The following PRKCA variants were observed in gnomAD, a reference collection of about 807,000 sequenced individuals.
The protein encoded by PRKCA is protein kinase C alpha.
Under a neutral mutation model 87.0 loss-of-function variants are expected in PRKCA, and 27 were observed. That is an observed-to-expected ratio of 0.31 (90% confidence interval 0.23 to 0.43). PRKCA has a LOEUF of 0.43. Ranked by LOEUF, PRKCA falls within the 20% of genes least tolerant of loss-of-function variation. The pLI, the probability that PRKCA is intolerant of heterozygous loss-of-function variation, is 1.00. For synonymous variants in PRKCA, 329 were observed against 311.1 expected, an observed-to-expected ratio of 1.06 and a Z score of -0.61; for missense variants, 518 against 852.3, an observed-to-expected ratio of 0.61 and a Z score of 4.88.
intron 3 of PRKCA, among the ~76,000 whole-genome samples, chr17:66,500,950 T>G (rs1050872711): frequency 2.7e-5 from 4 of 150,830 alleles, no homozygotes; most frequent in Non-Finnish European, 5.9e-5. Flanking sequence ...TTTAAAAATT[T>G]TAAATTAGGA....
chr17:66,750,234 G>A (rs1321274054), intron 13 of PRKCA, among the ~76,000 whole-genome samples: 2 of 151,960 alleles, frequency 1.3e-5, no homozygotes, highest in Non-Finnish European at 2.9e-5. Context: ...AGCCCAGCAT[G>A]GGCAGGAGCA....
At chr17:66,549,110 T>C (rs1023913718) in intron 3 of PRKCA, among the ~76,000 whole-genome samples, 28 of 151,804 alleles carry the variant, frequency 1.8e-4, no homozygotes, top group African/African-American at 6.5e-4. Flanking sequence ...CGGGCCACTT[T>C]CTGTAATTTT....
Position 66,774,024 on chromosome 17 carries a change from G to T in PRKCA, c.1562G>T (p.Trp521Leu). ...AYQPYGKSVD[W>L]WAYGVLLYEM... ...CAGCCGTATGGAAAATCTGTGGACT[G>T]GTGGGCCTATGGCGTCCTGTTGTAT... The change falls in exon 14 of 17, where the codon TGG becomes TTG. Residue 521 changes from tryptophan to leucine, a missense_variant. Trp to Leu is a moderately conservative substitution (Grantham distance 61). Coordinates refer to ENST00000413366, the MANE Select transcript of PRKCA (RefSeq NM_002737.3). 1 of 1,614,092 alleles carries T rather than the reference G, an allele frequency of 6.2e-7. No homozygotes were observed. The highest frequency in any genetic ancestry group is 8.5e-7 in the Non-Finnish European group (1 of 1,180,026).
intron 2 of PRKCA, among the ~76,000 whole-genome samples, chr17:66,382,948 C>T (rs934067361): frequency 7.9e-6 from 1 of 125,988 alleles, no homozygotes; most frequent in Non-Finnish European, 1.7e-5. Context: ...AATCCCACCC[C>T]TAATTGCGTT....
intron 3 of PRKCA, among the ~76,000 whole-genome samples, chr17:66,507,663 G>A (rs1034066674): frequency 6.6e-6 from 1 of 152,184 alleles, no homozygotes; most frequent in Non-Finnish European, 1.5e-5. Context: ...TCTGAAGAGG[G>A]TACAGAGTGG....
chr17:66,761,201 C>G lies in PRKCA; in HGVS notation c.1525-12786C>G, dbSNP rs556684338. Among the ~76,000 whole-genome samples the G allele has an allele frequency of 2.6e-5, 4 of 151,902 alleles. No individual in the cohort carries two copies. In the South Asian group the frequency reaches 8.3e-4, roughly 32 times the overall value. On this transcript the variant is annotated intron_variant, in intron 13 of 16. Coordinates refer to ENST00000413366, the MANE Select transcript of PRKCA (RefSeq NM_002737.3). ...CCTGGCCAACATGGTGAAACTCAGTCTCTACTAAAAATACAAAAATTAGCC... is the reference window on the plus strand; with the variant it reads ...CCTGGCCAACATGGTGAAACTCAGTGTCTACTAAAAATACAAAAATTAGCC...
intron 2 of PRKCA, among the ~76,000 whole-genome samples, chr17:66,459,106 C>T (rs377084250): frequency 1.6e-4 from 24 of 151,858 alleles, no homozygotes; most frequent in African/African-American, 5.3e-4. Flanking sequence ...AGCACACTGG[C>T]TTACGCCTGT....
chr17:66,757,190 G>A (rs4261586), intron 13 of PRKCA, among the ~76,000 whole-genome samples: 41,736 of 148,108 alleles, frequency 0.28, 6,173 homozygotes, highest in East Asian at 0.57. Flanking sequence ...GGATATGGCA[G>A]TAAAAACTTC....
intron 3 of PRKCA, among the ~76,000 whole-genome samples, chr17:66,596,282 G>A (rs113356204): frequency 6.6e-6 from 1 of 152,164 alleles, no homozygotes; most frequent in Non-Finnish European, 1.5e-5. Context: ...CCCAATAAAA[G>A]CAAGATAAGA....
At chr17:66,665,404 G>A (rs1402199563) in intron 5 of PRKCA, among the ~76,000 whole-genome samples, 1 of 152,124 alleles carries the variant, frequency 6.6e-6, no homozygotes, top group African/African-American at 2.4e-5. Flanking sequence ...ACCTGCATGA[G>A]TGTTCATTCA....
chr17:66,501,125 G>A (rs1916713581), intron 3 of PRKCA, among the ~76,000 whole-genome samples: 1 of 152,180 alleles, frequency 6.6e-6, no homozygotes, highest in Non-Finnish European at 1.5e-5. Context: ...CCATCTTCAA[G>A]ATGAAAGGAT....
At chr17:66,431,218 A>C (rs374422206) in intron 2 of PRKCA, among the ~76,000 whole-genome samples, 1 of 152,146 alleles carries the variant, frequency 6.6e-6, no homozygotes, top group Non-Finnish European at 1.5e-5. Flanking sequence ...TACTGGGTTT[A>C]TTGTTTTTGA....
intron 2 of PRKCA, among the ~76,000 whole-genome samples, chr17:66,408,259 C>T (rs1052644355): frequency 3.9e-5 from 6 of 152,068 alleles, no homozygotes; most frequent in African/African-American, 9.7e-5. Context: ...AATTTCAATC[C>T]GATTATCCAG....
intron 3 of PRKCA, among the ~76,000 whole-genome samples, chr17:66,569,838 A>G (rs1225129601): frequency 6.6e-6 from 1 of 152,220 alleles, no homozygotes; most frequent in Non-Finnish European, 1.5e-5. Context: ...CACTTTAGAA[A>G]ACTGTCAGTA....
intron 5 of PRKCA, among the ~76,000 whole-genome samples, chr17:66,682,706 TTTGTTGTTG>T (rs3053459): frequency 2.0e-5 from 3 of 151,754 alleles, no homozygotes; most frequent in Non-Finnish European, 4.4e-5. Flanking sequence ...GTAGTGTGAT[TTTGTTGTTG>T]TTGTTGTTGT....
intron 3 of PRKCA, among the ~76,000 whole-genome samples, chr17:66,588,246 A>G (rs117879318): frequency 2.0e-5 from 3 of 152,112 alleles, no homozygotes; most frequent in Admixed American, 2.0e-4. Context: ...ATTAGCCATC[A>G]GTGTTGCTTC....
intron 10 of PRKCA, among the ~76,000 whole-genome samples, chr17:66,736,827 G>A (rs999937457): frequency 2.0e-5 from 3 of 152,176 alleles, no homozygotes; most frequent in South Asian, 4.2e-4. Context: ...AGCTGTTTTG[G>A]GACATCACCA....
intron 5 of PRKCA, among the ~76,000 whole-genome samples, chr17:66,666,087 T>C (rs1049188753): frequency 1.3e-5 from 2 of 152,138 alleles, no homozygotes; most frequent in Non-Finnish European, 2.9e-5. Flanking sequence ...ATGAGAGCAA[T>C]CAGTGTAGAG....
chr17:66,740,971 G>A (rs1349958314), intron 11 of PRKCA, among the ~76,000 whole-genome samples: 1 of 152,034 alleles, frequency 6.6e-6, no homozygotes, highest in Non-Finnish European at 1.5e-5. Context: ...GTGTAGACAC[G>A]TGTGCTTATT....
Sources: allele counts gnomAD v4.1 joint callset (sites outside exome capture counted in the v4.1 genomes callset), GRCh38; gene constraint gnomAD v4.1.1; transcripts MANE v1.5; gene names NCBI Gene and HGNC (gene_info 2026-07-23, HGNC 2026-07-21).